The following IFT88 variants were observed in gnomAD, a reference collection of about 807,000 sequenced individuals.
The protein encoded by IFT88 is intraflagellar transport protein 88 homolog.
In IFT88, 74 loss-of-function variants were observed where a neutral mutation model predicts 119.5. The ratio of observed to expected loss-of-function variants is 0.62; its 90% CI spans 0.51 to 0.75. The LOEUF is 0.75. Among genes scored for constraint, IFT88 ranks in the 30% least tolerant of loss-of-function variants. IFT88 has a pLI of 0.00. For missense variants in IFT88, 961 were observed against 977.7 expected, an observed-to-expected ratio of 0.98 and a Z score of 0.23; for synonymous variants, 279 against 316.7, an observed-to-expected ratio of 0.88 and a Z score of 1.26.
intron 20 of IFT88, among the ~76,000 whole-genome samples, chr13:20,649,505 T>C (rs1432025215): frequency 6.6e-6 from 1 of 152,068 alleles, no homozygotes; most frequent in African/African-American, 2.4e-5. Context: ...AAAGCATCCC[T>C]AAGAGGGAAA....
intron 24 of IFT88, among the ~76,000 whole-genome samples, chr13:20,673,802 A>T (rs1423780299): frequency 1.3e-5 from 2 of 152,102 alleles, no homozygotes; most frequent in African/African-American, 4.8e-5. Flanking sequence ...AGTCCAACAC[A>T]AATAGTCAGT....
chr13:20,670,041 A>G (rs1383161373), intron 23 of IFT88, among the ~76,000 whole-genome samples: 2 of 152,232 alleles, frequency 1.3e-5, no homozygotes, highest in African/African-American at 4.8e-5. Flanking sequence ...ACCACAGACA[A>G]TAACTTTATC....
intron 3 of IFT88, among the ~76,000 whole-genome samples, chr13:20,587,953 A>T (rs1159603907): frequency 6.7e-6 from 1 of 148,984 alleles, no homozygotes; most frequent in Non-Finnish European, 1.5e-5. Context: ...CTTACATTTA[A>T]TGAAGTTACT....
intron 14 of IFT88, among the ~76,000 whole-genome samples, chr13:20,622,029 T>C (rs1401987676): frequency 6.6e-6 from 1 of 152,232 alleles, no homozygotes. Context: ...CATTTAGTGG[T>C]ATCTCTTGAG....
intron 3 of IFT88, among the ~76,000 whole-genome samples, chr13:20,587,992 T>C (rs2040004187): frequency 1.1e-5 from 1 of 91,830 alleles, no homozygotes; most frequent in Non-Finnish European, 2.3e-5. Flanking sequence ...TATCTTACTA[T>C]TTGCTTTTTT....
chr13:20,586,891 A>G (rs1173312005), intron 3 of IFT88, among the ~76,000 whole-genome samples: 1 of 103,322 alleles, frequency 9.7e-6, no homozygotes, highest in African/African-American at 3.4e-5. Flanking sequence ...ATTAACATAT[A>G]TGTATGTTTT....
rs151031076 is a variant in IFT88, at chr13:20,656,971, G to T, written c.2068+541G>T. ...CCTCCTGAGTTCAAGTGATTCTCCT[G>T]CCTCAGCCTCCCTAGTAGCTGGGAC... On this transcript the variant is annotated intron_variant, in intron 22 of 25. Coordinates refer to ENST00000351808, the MANE Select transcript of IFT88 (RefSeq NM_006531.5). Among the ~76,000 whole-genome samples, 580 of 152,216 alleles carry T rather than the reference G, an allele frequency of 3.8e-3. 3 individuals are homozygous for T. Among genetic ancestry groups the T allele is most frequent in the African/African-American group, 0.014 (564 of 41,516 alleles).
intron 1 of IFT88, among the ~76,000 whole-genome samples, chr13:20,572,888 C>G (rs1442093139): frequency 1.3e-5 from 2 of 152,116 alleles, no homozygotes; most frequent in African/African-American, 4.8e-5. Context: ...AATGTACACT[C>G]TATGTAAGGC....
chr13:20,580,738 T>G (rs1481942260), intron 2 of IFT88, among the ~76,000 whole-genome samples: 1 of 148,490 alleles, frequency 6.7e-6, no homozygotes, highest in African/African-American at 2.5e-5. Context: ...TTTTTTTTTT[T>G]TTTTTGAGAT....
At chr13:20,581,593 G>T (rs1218909263) in intron 2 of IFT88, among the ~76,000 whole-genome samples, 2 of 152,202 alleles carry the variant, frequency 1.3e-5, no homozygotes, top group African/African-American at 4.8e-5. Flanking sequence ...GCTGGGCACA[G>T]CGGCTTATGC....
rs2047177040 is a variant in IFT88, at chr13:20,625,673, A to C, written c.1200-77A>C. 3.1e-6 allele frequency: 3 copies of C among 963,930 alleles called. 1 individual carries two copies. Among genetic ancestry groups the C allele is most frequent in the Admixed American group, 5.2e-5 (2 of 38,480 alleles). The allele number at this position is 963,930 out of a possible 1,614,324, so 59.7% of individuals were successfully genotyped here. A position where few individuals can be genotyped will look rare whatever the true frequency, so the allele number is the denominator to read the frequency against. Reference sequence around the variant, plus strand: ...GGGACCCTTTAAAAAATCTTTGAAAAGCCACATTTAAGAAAACCAACAGCA... The same window carrying C: ...GGGACCCTTTAAAAAATCTTTGAAACGCCACATTTAAGAAAACCAACAGCA... On this transcript the variant is annotated intron_variant, in intron 14 of 25. Coordinates refer to ENST00000351808, the MANE Select transcript of IFT88 (RefSeq NM_006531.5).
chr13:20,669,832 C>T (rs2055484682), intron 23 of IFT88, among the ~76,000 whole-genome samples: 1 of 152,126 alleles, frequency 6.6e-6, no homozygotes, highest in Non-Finnish European at 1.5e-5. Context: ...TAAATTCTTA[C>T]TTTGCTACAT....
At chr13:20,677,268 A>G (rs571295787) in intron 24 of IFT88, among the ~76,000 whole-genome samples, 9 of 152,280 alleles carry the variant, frequency 5.9e-5, no homozygotes, top group Admixed American at 1.3e-4. Flanking sequence ...TTTGTTGGGT[A>G]ATAATGTAAT....
intron 23 of IFT88, among the ~76,000 whole-genome samples, chr13:20,664,590 C>A (rs2054342552): frequency 6.6e-6 from 1 of 152,094 alleles, no homozygotes; most frequent in Non-Finnish European, 1.5e-5. Context: ...TTTTCTGCTT[C>A]ACTGAACATG....
chr13:20,573,393 G>C (rs2036766812), intron 1 of IFT88, among the ~76,000 whole-genome samples: 1 of 152,120 alleles, frequency 6.6e-6, no homozygotes, highest in Admixed American at 6.5e-5. Flanking sequence ...AAGGTTACAT[G>C]AAGTCTGAGT....
At chr13:20,640,602 A>AT (rs148342538) in intron 17 of IFT88, among the ~76,000 whole-genome samples, 1 of 151,470 alleles carries the variant, frequency 6.6e-6, no homozygotes, top group Non-Finnish European at 1.5e-5. Flanking sequence ...AAATAAATAA[A>AT]TAAATAAATA....
chr13:20,598,324 C>T (rs527557155), intron 9 of IFT88, among the ~76,000 whole-genome samples: 13 of 152,044 alleles, frequency 8.6e-5, no homozygotes, highest in Admixed American at 4.6e-4. Flanking sequence ...ATTTAGTTCA[C>T]GATCTTGCTT....
At chr13:20,603,901 A>C (rs898247433) in intron 12 of IFT88, among the ~76,000 whole-genome samples, 1 of 151,880 alleles carries the variant, frequency 6.6e-6, no homozygotes, top group Non-Finnish European at 1.5e-5. Flanking sequence ...TTGTCTCAAA[A>C]AAATAAAAAA....
At chr13:20,594,564 G>T (rs889772626) in intron 7 of IFT88, among the ~76,000 whole-genome samples, 1 of 152,134 alleles carries the variant, frequency 6.6e-6, no homozygotes, top group Non-Finnish European at 1.5e-5. Flanking sequence ...TAGGGACAGG[G>T]TAAGTTACTT....
Sources: gnomAD v4.1 joint callset for allele counts (sites outside exome capture counted in the v4.1 genomes callset) on GRCh38, gnomAD v4.1.1 for gene constraint, MANE v1.5 for transcripts, NCBI Gene and HGNC (gene_info 2026-07-23, HGNC 2026-07-21) for gene names.